Variants in BCAR3 observed in about 807,000 individuals in gnomAD.
The protein encoded by BCAR3 is breast cancer anti-estrogen resistance protein 3.
BCAR3 carries 37 observed loss-of-function variants against 80.1 expected under a neutral mutation model. That is an observed-to-expected ratio of 0.46 (90% confidence interval 0.36 to 0.61). The LOEUF (loss-of-function observed/expected upper bound fraction) is 0.61, where lower values mean the gene tolerates loss of function less well. Among genes scored for constraint, BCAR3 ranks in the 20% least tolerant of loss-of-function variants. The probability of loss-of-function intolerance (pLI) is 0.00; values close to 1 mark genes in which losing one functional copy is unlikely to be tolerated. For missense variants in BCAR3, 978 were observed against 1,068.2 expected, an observed-to-expected ratio of 0.92 and a Z score of 1.18; for synonymous variants, 389 against 418.9, an observed-to-expected ratio of 0.93 and a Z score of 0.87.
At chr1:93,645,465 T>C (rs192793315) in intron 2 of BCAR3, among the ~76,000 whole-genome samples, 2 of 152,230 alleles carry the variant, frequency 1.3e-5, no homozygotes, top group African/African-American at 2.4e-5. Flanking sequence ...CTGCAAACTA[T>C]AGAGTTCCTA....
In BCAR3 at chr1:93,759,015, C is replaced by T. The variant is rs193105153; in HGVS notation, c.-62-52873G>A. 5.9e-5 allele frequency among the ~76,000 whole-genome samples: 9 copies of T among 152,242 alleles called. No homozygotes were observed. In the East Asian group the frequency reaches 1.7e-3, roughly 29 times the overall value. Reference sequence around the variant, plus strand: ...GTATAACTCTTAGCACCCTGTTATCCCTCTCCCAACACTATTGTGCAAAAT... The same window carrying T: ...GTATAACTCTTAGCACCCTGTTATCTCTCTCCCAACACTATTGTGCAAAAT... On this transcript the variant is annotated intron_variant, in intron 2 of 13. Transcript: ENST00000370244.
chr1:93,824,183 C>A (rs1419841309), intron 2 of BCAR3, among the ~76,000 whole-genome samples: 1 of 133,926 alleles, frequency 7.5e-6, no homozygotes, highest in African/African-American at 2.5e-5. Flanking sequence ...CGTGGCCTGG[C>A]CAACTTTACC....
chr1:93,622,686 G>A (rs1675350007), intron 3 of BCAR3, among the ~76,000 whole-genome samples: 1 of 152,166 alleles, frequency 6.6e-6, no homozygotes, highest in African/African-American at 2.4e-5. Flanking sequence ...AATTCAGAGG[G>A]TTCTGTGCAT....
intron 2 of BCAR3, among the ~76,000 whole-genome samples, chr1:93,673,044 C>T (rs980631424): frequency 3.3e-5 from 5 of 152,190 alleles, no homozygotes; most frequent in African/African-American, 1.2e-4. Context: ...CCTGCAACAG[C>T]CTGGAAGGCC....
intron 11 of BCAR3, among the ~76,000 whole-genome samples, chr1:93,566,590 A>C (rs1268215777): frequency 6.6e-6 from 1 of 152,170 alleles, no homozygotes; most frequent in African/African-American, 2.4e-5. Context: ...GTCTGATGCT[A>C]AGAGCAGGGG....
At chr1:93,800,309 C>T (rs992132577) in intron 2 of BCAR3, among the ~76,000 whole-genome samples, 1 of 152,032 alleles carries the variant, frequency 6.6e-6, no homozygotes, top group Admixed American at 6.6e-5. Context: ...CATGGTGGCT[C>T]ACATCTGTAA....
At chr1:93,700,628 C>T (rs1649606209) in intron 3 of BCAR3, among the ~76,000 whole-genome samples, 1 of 152,106 alleles carries the variant, frequency 6.6e-6, no homozygotes, top group South Asian at 2.1e-4. Flanking sequence ...TGGATACAAA[C>T]AGAAGCCAGG....
intron 2 of BCAR3, among the ~76,000 whole-genome samples, chr1:93,780,022 C>A (rs143318230): frequency 2.0e-5 from 3 of 152,306 alleles, no homozygotes; most frequent in South Asian, 4.1e-4. Flanking sequence ...CTCCTTCCCA[C>A]TGACCTCATC....
Position 93,844,972 on chromosome 1 carries a change from G to GT in BCAR3, c.-63+594dup, listed in dbSNP as rs1453033664. On this transcript the variant is annotated intron_variant, in intron 2 of 13. Coordinates refer to the BCAR3 transcript ENST00000370244. ...CTTTCCCACACTGTCTGCTAACACT[G>GT]TATCTCTAATATTTTCCATGATACA... 2.6e-5 allele frequency among the ~76,000 whole-genome samples: 4 copies of GT among 151,980 alleles called. No homozygotes were observed. The East Asian group carries it at 5.8e-4, about 22-fold the overall frequency.
At chr1:93,577,244 A>G (rs1030243814) in intron 7 of BCAR3, among the ~76,000 whole-genome samples, 24 of 147,394 alleles carry the variant, frequency 1.6e-4, no homozygotes, top group African/African-American at 5.9e-4. Flanking sequence ...CAACAAGTCT[A>G]GCCACCTGAA....
chr1:93,683,297 C>G (rs1331288087), upstream of BCAR3, among the ~76,000 whole-genome samples: 2 of 152,186 alleles, frequency 1.3e-5, no homozygotes, highest in African/African-American at 4.8e-5. Flanking sequence ...TCAATGTGAT[C>G]TAACTTCATA....
At chr1:93,767,466 G>A (rs1171472221) in intron 2 of BCAR3, among the ~76,000 whole-genome samples, 1 of 151,370 alleles carries the variant, frequency 6.6e-6, no homozygotes. Flanking sequence ...TGAGGCTGCA[G>A]TGAGCCGTGA....
At chr1:93,627,855 T>C (rs1050439560) in intron 3 of BCAR3, among the ~76,000 whole-genome samples, 8 of 152,206 alleles carry the variant, frequency 5.3e-5, no homozygotes, top group Admixed American at 5.2e-4. Context: ...TTTAAGTTAC[T>C]TGCTTTACAT....
intron 2 of BCAR3, among the ~76,000 whole-genome samples, chr1:93,656,525 C>T (rs1294146763): frequency 6.6e-6 from 1 of 151,100 alleles, no homozygotes; most frequent in Non-Finnish European, 1.5e-5. Flanking sequence ...TATTCTGAGA[C>T]CACTTATGAT....
chr1:93,777,494 T>C (rs1022923038), intron 2 of BCAR3, among the ~76,000 whole-genome samples: 3 of 146,238 alleles, frequency 2.1e-5, no homozygotes, highest in Non-Finnish European at 4.5e-5. Flanking sequence ...TTCCTCTTCC[T>C]CCACCTCCTC....
At chr1:93,845,490 A>C (rs2391316) in intron 2 of BCAR3, 132 of 5,106 alleles carry the variant, frequency 0.026, 7 homozygotes, top group South Asian at 0.059. Context: ...ATATATATAT[A>C]TATATATATA....
At position 93,562,152 on chromosome 1, in the gene BCAR3, C is replaced by T. The variant is rs965008772; in HGVS notation, c.*89G>A. 5.0e-6 allele frequency: 7 copies of T among 1,386,430 alleles called. No individual in the cohort carries two copies. In the African/African-American group the frequency reaches 1.0e-4, roughly 20 times the overall value. 85.9% of individuals were successfully genotyped at this position (1,386,430 alleles called of 1,614,324 possible). On this transcript the variant is annotated 3_prime_UTR_variant, in exon 12 of 12. Coordinates refer to ENST00000260502, the MANE Select transcript of BCAR3 (RefSeq NM_003567.4). ...AAGCTTGTATATTGTCAGATTTGCA[C>T]ATTATTACTTTATCAAAAACAGTAA...
Position 93,813,982 on chromosome 1 carries a change from C to T in BCAR3, c.-63+31585G>A, listed in dbSNP as rs150144816. Reference sequence around the variant, plus strand: ...TAGCCAGTTGCTTAGCAGACTGCCCCTGATTTTGAGTTTATCTGGTATTTC... The same window carrying T: ...TAGCCAGTTGCTTAGCAGACTGCCCTTGATTTTGAGTTTATCTGGTATTTC... On this transcript the variant is annotated intron_variant, in intron 2 of 13. Transcript: ENST00000370244. 9.2e-5 allele frequency among the ~76,000 whole-genome samples: 14 copies of T among 152,266 alleles called. No homozygotes were observed. In the East Asian group the frequency reaches 2.5e-3, roughly 27 times the overall value.
intron 11 of BCAR3, among the ~76,000 whole-genome samples, 174 bp from the exon 12 acceptor site, chr1:93,562,593 T>C (rs698930): frequency 2.0e-5 from 3 of 151,460 alleles, no homozygotes; most frequent in Non-Finnish European, 4.4e-5. Context: ...CACAGTGAAA[T>C]CCCGTCTCTA....
Sources: allele counts gnomAD v4.1 joint callset (sites outside exome capture counted in the v4.1 genomes callset), GRCh38; gene constraint gnomAD v4.1.1; transcripts MANE v1.5; gene names NCBI Gene and HGNC (gene_info 2026-07-23, HGNC 2026-07-21).